The following SI variants were observed in gnomAD, a reference collection of about 807,000 sequenced individuals.
SI encodes the protein sucrase-isomaltase, also known as sucrase-isomaltase, intestinal.
SI carries 235 observed loss-of-function variants against 253.3 expected under a neutral mutation model. That is an observed-to-expected ratio of 0.93 (90% CI 0.83 to 1.03). SI has a LOEUF of 1.03. Among genes scored for constraint, SI ranks in the 50% least tolerant of loss-of-function variants. The pLI, the probability that SI is intolerant of heterozygous loss-of-function variation, is 0.00. For missense variants in SI, 2,442 were observed against 2,211.1 expected (o/e 1.10, Z -2.09); for synonymous variants, 819 against 712.0 (o/e 1.15, Z -2.39).
At chr3:164,990,904 A>T (rs1347788716) in intron 44 of SI, among the ~76,000 whole-genome samples, 1 of 152,152 alleles carries the variant, frequency 6.6e-6, no homozygotes. Context: ...ATAGTAAAAA[A>T]AAAAATGAAT....
chr3:165,008,839 T>C (rs970292404), intron 35 of SI, among the ~76,000 whole-genome samples: 1 of 151,802 alleles, frequency 6.6e-6, no homozygotes, highest in South Asian at 2.1e-4. Context: ...TTTTATGCTA[T>C]CTAAAAAAAT....
At chr3:164,990,918 A>T (rs1717702374) in intron 44 of SI, among the ~76,000 whole-genome samples, 1 of 152,106 alleles carries the variant, frequency 6.6e-6, no homozygotes, top group Non-Finnish European at 1.5e-5. Flanking sequence ...AATGAATAGC[A>T]TTGGACGGCA....
chr3:165,019,607 G>C lies in SI; in HGVS notation c.3418C>G (p.Pro1140Ala), dbSNP rs202077921. 5.9e-5 allele frequency: 95 copies of C among 1,612,162 alleles called. 1 individual carries two copies. In the East Asian group the frequency reaches 1.4e-3, roughly 23 times the overall value. ...TWGMFTRDQP[P>A]GYKLNSYGFH... ...GGTCATATGTTGGTACCTACACCAG[G>C]GGGTTGGTCTCTTGTGAACATTCCC... Residue 1140 changes from proline (P) to alanine (A), a missense_variant, in exon 28 of 48, where the codon CCT (proline) becomes GCT (alanine). Coordinates refer to ENST00000264382, the MANE Select transcript of SI (RefSeq NM_001041.4).
At chr3:164,991,657 C>A (rs1717740808) in intron 43 of SI, among the ~76,000 whole-genome samples, 180 bp from the exon 44 acceptor site, 1 of 152,018 alleles carries the variant, frequency 6.6e-6, no homozygotes, top group South Asian at 2.1e-4. Context: ...ATATATATAT[C>A]TCATAACATG....
chr3:165,062,978 A>AT (rs567835727), intron 8 of SI, among the ~76,000 whole-genome samples: 113 of 152,218 alleles, frequency 7.4e-4, no homozygotes, highest in African/African-American at 2.7e-3. Flanking sequence ...AATTTCTTTA[A>AT]TTTTTTATTA....
At chr3:165,026,419 G>A (rs1711924414) in intron 25 of SI, among the ~76,000 whole-genome samples, 1 of 151,208 alleles carries the variant, frequency 6.6e-6, no homozygotes, top group Non-Finnish European at 1.5e-5. Flanking sequence ...GTACTAGACA[G>A]ATCATCAAGA....
intron 3 of SI, among the ~76,000 whole-genome samples, chr3:165,071,236 A>G (rs1714557715): frequency 6.6e-6 from 1 of 152,078 alleles, no homozygotes; most frequent in Non-Finnish European, 1.5e-5. Context: ...TTAAAAATGT[A>G]TCTCCCTGTT....
intron 33 of SI, 33 bp downstream of exon 33, chr3:165,015,090 T>C (rs1718960843): frequency 6.9e-7 from 1 of 1,452,944 alleles, no homozygotes; most frequent in South Asian, 1.1e-5. Flanking sequence ...ATAATTTTTG[T>C]ATTTATTCTA....
Position 165,044,523 on chromosome 3 carries a change from G to A in SI, c.1888-1348C>T, listed in dbSNP as rs549489943. Among the ~76,000 whole-genome samples the A allele has an allele frequency of 2.6e-5, 4 of 151,960 alleles. 1 individual carries two copies. The South Asian group carries it at 6.2e-4, about 24-fold the overall frequency. ...TCTCTGATTACAGGGAAATTGAGAAGTTTTTCATATTTTTATTGGGTCCCT... is the reference window on the plus strand; with the variant it reads ...TCTCTGATTACAGGGAAATTGAGAAATTTTTCATATTTTTATTGGGTCCCT... On this transcript the variant is annotated intron_variant, in intron 16 of 47. Coordinates refer to ENST00000264382, the MANE Select transcript of SI (RefSeq NM_001041.4).
intron 32 of SI, 60 bp from the exon 33 acceptor site, chr3:165,015,293 G>A (rs1718973015): frequency 8.8e-7 from 1 of 1,140,248 alleles, no homozygotes; most frequent in Non-Finnish European, 1.3e-6. Flanking sequence ...TACTTGGACA[G>A]TGATTATGAA....
chr3:165,004,823 G>A (rs1718425819), intron 37 of SI, among the ~76,000 whole-genome samples: 2 of 152,074 alleles, frequency 1.3e-5, no homozygotes, highest in African/African-American at 2.4e-5. Flanking sequence ...GTGGGGGTGA[G>A]GGGAAAGCAA....
chr3:165,056,201 T>C (rs1713686974), intron 12 of SI, among the ~76,000 whole-genome samples: 1 of 152,164 alleles, frequency 6.6e-6, no homozygotes, highest in Non-Finnish European at 1.5e-5. Context: ...TTAACATGTG[T>C]TCTGTGAAAT....
chr3:165,037,825 T>G (rs560166528), intron 21 of SI, 75 bp downstream of exon 21: 1 of 1,072,314 alleles, frequency 9.3e-7, no homozygotes, highest in Admixed American at 2.0e-5. Flanking sequence ...ATATTATCTC[T>G]AATTCTTAAT....
At chr3:165,035,610 T>C (rs185700315) in intron 22 of SI, among the ~76,000 whole-genome samples, 8 of 151,694 alleles carry the variant, frequency 5.3e-5, no homozygotes, top group South Asian at 2.1e-4. Flanking sequence ...CCTATATTTA[T>C]CTGTAACTCT....
intron 20 of SI, among the ~76,000 whole-genome samples, chr3:165,038,448 C>T (rs1251708782): frequency 2.6e-5 from 4 of 151,096 alleles, no homozygotes; most frequent in African/African-American, 9.7e-5. Flanking sequence ...AGTGGCTCAC[C>T]CCTGTAATTC....
chr3:165,082,571 A>C (rs1241187932), upstream of SI, among the ~76,000 whole-genome samples: 7 of 151,930 alleles, frequency 4.6e-5, no homozygotes, highest in Non-Finnish European at 1.0e-4. Context: ...TTCCCTTCAT[A>C]ACAATGTGTT....
chr3:165,025,648 A>G (rs1180881675), intron 25 of SI, among the ~76,000 whole-genome samples: 1 of 151,344 alleles, frequency 6.6e-6, no homozygotes, highest in Non-Finnish European at 1.5e-5. Flanking sequence ...TCTCAGCAGA[A>G]ACCCTACAAG....
chr3:165,043,440 T>A (rs991805523), intron 16 of SI, among the ~76,000 whole-genome samples: 1 of 152,062 alleles, frequency 6.6e-6, no homozygotes, highest in Non-Finnish European at 1.5e-5. Context: ...TTTATTTTGA[T>A]GTTCTCATTA....
intron 47 of SI, 80 bp downstream of exon 47, chr3:164,982,163 T>C (rs1447625935): frequency 9.7e-7 from 1 of 1,026,618 alleles, no homozygotes; most frequent in Non-Finnish European, 1.5e-6. Flanking sequence ...TTATGTTTCT[T>C]ACAGATGAGG....
Sources: gnomAD v4.1 joint callset for allele counts (sites outside exome capture counted in the v4.1 genomes callset) on GRCh38, gnomAD v4.1.1 for gene constraint, MANE v1.5 for transcripts, NCBI Gene and HGNC (gene_info 2026-07-23, HGNC 2026-07-21) for gene names.